NKD1: variants seen among roughly 807,000 people sequenced by gnomAD.
NKD1 encodes NKD inhibitor of Wnt signaling pathway 1, also known as protein naked cuticle homolog 1.
In NKD1, 21 loss-of-function variants were observed where a neutral mutation model predicts 56.0. That is an observed-to-expected ratio of 0.38 (90% confidence interval 0.27 to 0.54). The LOEUF is 0.54. Among genes scored for constraint, NKD1 ranks in the 20% least tolerant of loss-of-function variants. The pLI is 0.82. For synonymous variants in NKD1, 263 were observed against 265.7 expected, an observed-to-expected ratio of 0.99 and a Z score of 0.10; for missense variants, 578 against 642.7, an observed-to-expected ratio of 0.90 and a Z score of 1.09.
In NKD1 at chr16:50,637,832, T is replaced by G. The variant is rs560852889; in HGVS notation, c.*4051T>G. The G allele has an allele frequency of 1.3e-5, 2 of 151,960 alleles. No individual in the cohort carries two copies. The highest frequency in any genetic ancestry group is 1.3e-4 in the Admixed American group (2 of 15,236). The allele number at this position is 151,960 out of a possible 1,614,324, so 9.4% of individuals were successfully genotyped here. A position where few individuals can be genotyped will look rare whatever the true frequency, so the allele number is the denominator to read the frequency against. ...AGCGTGGGGGTTCCCCTGGGGAGAC[T>G]CCTGGTGAGAGGATGCCGATTTCTG... is the stretch of plus-strand genomic sequence containing the variant. On this transcript the variant is annotated 3_prime_UTR_variant, in exon 10 of 10. Coordinates refer to ENST00000268459, the MANE Select transcript of NKD1 (RefSeq NM_033119.5).
intron 3 of NKD1, among the ~76,000 whole-genome samples, chr16:50,605,316 A>G: frequency 6.6e-6 from 1 of 152,224 alleles, no homozygotes; most frequent in East Asian, 1.9e-4. Flanking sequence ...TTCAGGGTTG[A>G]GGCCACTTTC....
chr16:50,605,671 G>A lies in NKD1; in HGVS notation c.193-2623G>A, dbSNP rs182760671. Reference sequence around the variant, plus strand: ...TAATCTAGAGGTGATTTAAAGTATAGGGCAGGATGTTTGTAGTTTATATGC... The same window carrying A: ...TAATCTAGAGGTGATTTAAAGTATAAGGCAGGATGTTTGTAGTTTATATGC... On this transcript the variant is annotated intron_variant, in intron 3 of 9. Transcript: ENST00000268459. Among the ~76,000 whole-genome samples the A allele has an allele frequency of 3.2e-3, 493 of 152,324 alleles. 3 individuals are homozygous for A. Among genetic ancestry groups the A allele is most frequent in the African/African-American group, 0.011 (459 of 41,572 alleles).
chr16:50,627,296 C>G (rs572169694), intron 6 of NKD1, among the ~76,000 whole-genome samples: 1 of 152,222 alleles, frequency 6.6e-6, no homozygotes, highest in Non-Finnish European at 1.5e-5. Flanking sequence ...TATTCCTCAG[C>G]TCTATTTCCC....
At chr16:50,572,267 C>A (rs942685902) in intron 3 of NKD1, among the ~76,000 whole-genome samples, 5 of 152,152 alleles carry the variant, frequency 3.3e-5, no homozygotes, top group African/African-American at 9.7e-5. Flanking sequence ...TGTTATTCAC[C>A]TGTGGTGGCA....
intron 3 of NKD1, among the ~76,000 whole-genome samples, chr16:50,597,718 G>A (rs1263381462): frequency 7.9e-5 from 12 of 152,130 alleles, no homozygotes; most frequent in Admixed American, 7.9e-4. Flanking sequence ...TCACCTTCTC[G>A]GCTTTTCCAC....
At position 50,634,036 on chromosome 16, in the gene NKD1, G is replaced by A. The variant is rs1373826616; in HGVS notation, c.*255G>A. On this transcript the variant is annotated 3_prime_UTR_variant, in exon 10 of 10. Coordinates refer to ENST00000268459, the MANE Select transcript of NKD1 (RefSeq NM_033119.5). ...TTTTGAGTGGCCTGTAATGGGCAGAGGCTCCCTCGGGGCTCGGGATCTGCA... is the reference window on the plus strand; with the variant it reads ...TTTTGAGTGGCCTGTAATGGGCAGAAGCTCCCTCGGGGCTCGGGATCTGCA... 1.4e-5 allele frequency: 5 copies of A among 357,198 alleles called. No individual in the cohort carries two copies. The highest frequency in any genetic ancestry group is 9.0e-5 in the South Asian group (1 of 11,074). 22.1% of individuals were successfully genotyped at this position (357,198 alleles called of 1,614,324 possible).
At chr16:50,629,503 C>T (rs1295218314) in intron 6 of NKD1, among the ~76,000 whole-genome samples, 2 of 152,178 alleles carry the variant, frequency 1.3e-5, no homozygotes, top group East Asian at 3.9e-4. Flanking sequence ...CCTGGGTCCA[C>T]CTCAAAGTTC....
At chr16:50,621,569 C>T (rs1962089189) in intron 4 of NKD1, 33 bp from the exon 5 acceptor site, 1 of 1,527,320 alleles carries the variant, frequency 6.5e-7, no homozygotes, top group African/African-American at 1.4e-5. Context: ...CTGGACCCTG[C>T]TCCTAATGCT....
intron 3 of NKD1, among the ~76,000 whole-genome samples, chr16:50,587,792 G>A (rs1961262449): frequency 6.6e-6 from 1 of 152,220 alleles, no homozygotes; most frequent in African/African-American, 2.4e-5. Flanking sequence ...GAGCGTCTGA[G>A]CTCTGCCTCC....
At chr16:50,617,695 C>T (rs960565429) in intron 4 of NKD1, among the ~76,000 whole-genome samples, 3 of 152,198 alleles carry the variant, frequency 2.0e-5, no homozygotes, top group Admixed American at 2.0e-4. Context: ...CCCCCAGATT[C>T]ATATGGGCTG....
In NKD1 at chr16:50,641,355, C is replaced by T. The variant is rs1567359452; in HGVS notation, c.*7574C>T. Reference sequence around the variant, plus strand: ...GCCCTGCCTTCCTGTCCCCTGCCCACTCTAAGCCTCCAGAAGTCAATCCTC... The same window carrying T: ...GCCCTGCCTTCCTGTCCCCTGCCCATTCTAAGCCTCCAGAAGTCAATCCTC... On this transcript the variant is annotated 3_prime_UTR_variant, in exon 10 of 10. Coordinates refer to ENST00000268459, the MANE Select transcript of NKD1 (RefSeq NM_033119.5). 1 of 152,322 alleles carries T rather than the reference C, an allele frequency of 6.6e-6. No homozygotes were observed. Among genetic ancestry groups the T allele is most frequent in the Non-Finnish European group, 1.5e-5 (1 of 68,110 alleles). 9.4% of individuals were successfully genotyped at this position (152,322 alleles called of 1,614,324 possible).
At chr16:50,555,686 C>T (rs1596702474) in intron 3 of NKD1, 1 of 152,454 alleles carries the variant, frequency 6.6e-6, no homozygotes, top group Non-Finnish European at 1.5e-5. Context: ...GAGGGTCCCC[C>T]ATGTGGGCTG....
At chr16:50,600,255 A>G (rs1389984498) in intron 3 of NKD1, among the ~76,000 whole-genome samples, 1 of 151,824 alleles carries the variant, frequency 6.6e-6, no homozygotes, top group Non-Finnish European at 1.5e-5. Context: ...AAACAAACAA[A>G]CAAACAACAA....
At chr16:50,622,912 C>A (rs1962124773) in intron 5 of NKD1, among the ~76,000 whole-genome samples, 1 of 152,010 alleles carries the variant, frequency 6.6e-6, no homozygotes, top group South Asian at 2.1e-4. Flanking sequence ...TGGGGTCAGG[C>A]CGAGGGGTGT....
At chr16:50,574,341 G>T in intron 3 of NKD1, 1 of 985,384 alleles carries the variant, frequency 1.0e-6, no homozygotes, top group Non-Finnish European at 1.2e-6. Context: ...AGGTGTCCTG[G>T]GAGGGCCTGT....
At chr16:50,581,126 G>A (rs182533724) in intron 3 of NKD1, among the ~76,000 whole-genome samples, 8 of 152,308 alleles carry the variant, frequency 5.3e-5, no homozygotes, top group Non-Finnish European at 1.0e-4. Context: ...GCTCCTATGG[G>A]ATTGGGGCTT....
chr16:50,633,836 C>A lies in NKD1; in HGVS notation c.*55C>A. 1.3e-6 allele frequency: 1 copy of A among 788,164 alleles called. No homozygotes were observed. The highest frequency in any genetic ancestry group is 2.0e-6 in the Non-Finnish European group (1 of 508,378). 48.8% of individuals were successfully genotyped at this position (788,164 alleles called of 1,614,324 possible). On this transcript the variant is annotated 3_prime_UTR_variant, in exon 10 of 10. Coordinates refer to ENST00000268459, the MANE Select transcript of NKD1 (RefSeq NM_033119.5). This position sits in a 1 kb window ranked among gnomAD's most constrained non-coding sequence, Gnocchi z 4.9. Reference sequence around the variant, plus strand: ...ATGAAGGACCCCACCCCCGACACCACAAGGCATTATTATTCTATTAATTAT... The same window carrying A: ...ATGAAGGACCCCACCCCCGACACCAAAAGGCATTATTATTCTATTAATTAT...
rs375972555 is a variant in NKD1 at position 50,625,394 on chromosome 16, C to T, written c.367-91C>T. ...GGGAGGGCAGAGGACAGGTGGCCGCCCCTTGGCCTGGCCTCTAGGCCCAGG... is the reference window on the plus strand; with the variant it reads ...GGGAGGGCAGAGGACAGGTGGCCGCTCCTTGGCCTGGCCTCTAGGCCCAGG... On this transcript the variant is annotated intron_variant, in intron 5 of 9. Coordinates refer to ENST00000268459, the MANE Select transcript of NKD1 (RefSeq NM_033119.5). 309 of 887,242 alleles carry T rather than the reference C, an allele frequency of 3.5e-4. No individual in the cohort carries two copies. In the African/African-American group the frequency reaches 4.5e-3, roughly 13 times the overall value. The allele number at this position is 887,242 out of a possible 1,614,324, so 55.0% of individuals were successfully genotyped here.
At chr16:50,620,227 G>A (rs1366328228) in intron 4 of NKD1, among the ~76,000 whole-genome samples, 1 of 152,276 alleles carries the variant, frequency 6.6e-6, no homozygotes, top group Non-Finnish European at 1.5e-5. Context: ...CAGGACCAGA[G>A]CAGAGCAGGA....
Sources: gnomAD v4.1 joint callset for allele counts (sites outside exome capture counted in the v4.1 genomes callset) on GRCh38, gnomAD v4.1.1 for gene constraint, Gnocchi (gnomAD v3.1) non-coding constraint, MANE v1.5 for transcripts, NCBI Gene and HGNC (gene_info 2026-07-23, HGNC 2026-07-21) for gene names.